The following ENOX1 variants were observed in gnomAD, a reference collection of about 807,000 sequenced individuals.
The protein encoded by ENOX1 is candidate growth-related and time keeping constitutive hydroquinone (NADH) oxidase.
ENOX1 carries 42 observed loss-of-function variants against 82.5 expected under a neutral mutation model. The observed-to-expected ratio is 0.51, with a 90% confidence interval of 0.40 to 0.66. The LOEUF is 0.66. Among genes scored for constraint, ENOX1 ranks in the 30% least tolerant of loss-of-function variants. ENOX1 has a pLI of 0.00. For synonymous variants in ENOX1, 271 were observed against 282.2 expected (o/e 0.96, Z 0.40); for missense variants, 608 against 811.6 (o/e 0.75, Z 3.05).
chr13:43,783,091 C>T (rs1048300394), intron 1 of ENOX1, among the ~76,000 whole-genome samples: 3 of 152,096 alleles, frequency 2.0e-5, no homozygotes, highest in South Asian at 2.1e-4. Context: ...TACAAACTGA[C>T]CAATACAATC....
At chr13:43,294,485 C>T (rs1285395191) in intron 12 of ENOX1, among the ~76,000 whole-genome samples, 1 of 152,210 alleles carries the variant, frequency 6.6e-6, no homozygotes, top group East Asian at 1.9e-4. Context: ...CATGCCAGTG[C>T]TGCCTGATGA....
chr13:43,328,781 ACTTAGAACATG>A (rs1374538089), intron 9 of ENOX1, among the ~76,000 whole-genome samples: 1 of 152,212 alleles, frequency 6.6e-6, no homozygotes, highest in East Asian at 1.9e-4. Flanking sequence ...TGCCTCGGTT[ACTTAGAACATG>A]TTATTACCAT....
At chr13:43,399,018 T>C (rs948416044) in intron 5 of ENOX1, among the ~76,000 whole-genome samples, 12 of 151,782 alleles carry the variant, frequency 7.9e-5, no homozygotes, top group African/African-American at 2.9e-4. Context: ...GATTTCAAAC[T>C]CCTGGACTCA....
chr13:43,740,839 GAAT>G (rs1326333589), intron 1 of ENOX1, among the ~76,000 whole-genome samples: 2 of 152,084 alleles, frequency 1.3e-5, no homozygotes, highest in African/African-American at 4.8e-5. Context: ...TTTTATCGAT[GAAT>G]AATATTCCAT....
chr13:43,481,541 A>G (rs936177950), intron 3 of ENOX1, among the ~76,000 whole-genome samples: 1 of 152,178 alleles, frequency 6.6e-6, no homozygotes, highest in Non-Finnish European at 1.5e-5. Flanking sequence ...TAAATATAAG[A>G]TTTGAAACTA....
At chr13:43,492,818 G>A (rs1308772985) in intron 2 of ENOX1, among the ~76,000 whole-genome samples, 14 of 152,120 alleles carry the variant, frequency 9.2e-5, no homozygotes, top group Admixed American at 8.5e-4. Context: ...TTGTTAACTT[G>A]GCTAGGCCAT....
chr13:43,356,931 C>T (rs1039586217), intron 7 of ENOX1, among the ~76,000 whole-genome samples: 2 of 151,836 alleles, frequency 1.3e-5, no homozygotes. Context: ...CAGAGCTAGA[C>T]AAAGAAAAAA....
intron 2 of ENOX1, among the ~76,000 whole-genome samples, chr13:43,539,437 T>C (rs1020471710): frequency 3.9e-4 from 59 of 152,314 alleles, no homozygotes; most frequent in African/African-American, 1.4e-3. Flanking sequence ...CCAGTATTTA[T>C]ACAGAACTAT....
intron 1 of ENOX1, among the ~76,000 whole-genome samples, chr13:43,740,551 G>GT (rs1188150265): frequency 6.6e-6 from 1 of 152,002 alleles, no homozygotes; most frequent in African/African-American, 2.4e-5. Context: ...GTCTCGTGGG[G>GT]TTTTTTGTAC....
intron 3 of ENOX1, among the ~76,000 whole-genome samples, chr13:43,467,650 T>G (rs1368739687): frequency 6.6e-6 from 1 of 152,164 alleles, no homozygotes; most frequent in Non-Finnish European, 1.5e-5. Flanking sequence ...GCACAAAAGT[T>G]TAAAATTTTG....
Position 43,775,361 on chromosome 13 carries a change from C to A in ENOX1, c.-285+11291G>T, listed in dbSNP as rs1046006376. Among the ~76,000 whole-genome samples the A allele has an allele frequency of 2.0e-5, 3 of 152,074 alleles. 1 individual carries two copies. Among genetic ancestry groups the A allele is most frequent in the Non-Finnish European group, 4.4e-5 (3 of 68,016 alleles). On this transcript the variant is annotated intron_variant, in intron 1 of 16. Transcript: ENST00000690772. ...CTCACTTTGTTGCCCAGGCTGCTCT[C>A]GAACTCTTAGTCTCAAGTGACCCTC...
intron 5 of ENOX1, among the ~76,000 whole-genome samples, chr13:43,365,221 T>C (rs981763794): frequency 6.6e-6 from 1 of 152,214 alleles, no homozygotes. Flanking sequence ...GAACTAGATT[T>C]CATTTGAAAG....
intron 2 of ENOX1, among the ~76,000 whole-genome samples, chr13:43,610,527 T>C (rs1344647842): frequency 6.6e-6 from 1 of 152,254 alleles, no homozygotes; most frequent in Non-Finnish European, 1.5e-5. Context: ...TCTCTCTTTA[T>C]GCTTAGTTAA....
At chr13:43,278,258 T>C (rs566828576) in intron 12 of ENOX1, among the ~76,000 whole-genome samples, 1 of 152,348 alleles carries the variant, frequency 6.6e-6, no homozygotes, top group South Asian at 2.1e-4. Flanking sequence ...TTGGAAAATT[T>C]CTAGCTTTAT....
chr13:43,705,358 T>C (rs1056141004), intron 1 of ENOX1, among the ~76,000 whole-genome samples: 1 of 2,010 alleles, frequency 5.0e-4, no homozygotes, highest in Non-Finnish European at 2.7e-3. Context: ...GTAATATATA[T>C]ATATGTAACA....
intron 2 of ENOX1, among the ~76,000 whole-genome samples, chr13:43,658,818 G>C (rs2084573372): frequency 6.6e-6 from 1 of 152,106 alleles, no homozygotes; most frequent in Middle Eastern, 3.2e-3. Flanking sequence ...TGGGATACCA[G>C]GTCTTTCTTT....
intron 2 of ENOX1, among the ~76,000 whole-genome samples, chr13:43,629,587 A>G (rs932166096): frequency 6.6e-6 from 1 of 152,232 alleles, no homozygotes; most frequent in Non-Finnish European, 1.5e-5. Flanking sequence ...CAATTACTCG[A>G]AAGTGGAATT....
chr13:43,546,113 G>A (rs1364508015), intron 2 of ENOX1: 1 of 152,206 alleles, frequency 6.6e-6, no homozygotes, highest in Non-Finnish European at 1.5e-5. Context: ...TGCTGAATAA[G>A]GTCCCTGCCC....
intron 5 of ENOX1, among the ~76,000 whole-genome samples, chr13:43,402,787 C>T (rs2053570937): frequency 6.6e-6 from 1 of 152,206 alleles, no homozygotes; most frequent in Non-Finnish European, 1.5e-5. Flanking sequence ...TATATACACA[C>T]ACTTATATCA....
Sources: allele counts gnomAD v4.1 joint callset (sites outside exome capture counted in the v4.1 genomes callset), GRCh38; gene constraint gnomAD v4.1.1; transcripts MANE v1.5; gene names NCBI Gene and HGNC (gene_info 2026-07-23, HGNC 2026-07-21).